The following APBB2 variants were observed in gnomAD, a reference collection of about 807,000 sequenced individuals.
APBB2 encodes amyloid beta precursor protein binding family B member 2.
In APBB2, 38 loss-of-function variants were observed where a neutral mutation model predicts 82.5. That is an observed-to-expected ratio of 0.46 (90% confidence interval 0.36 to 0.60). The LOEUF is 0.60. Ranked by LOEUF, APBB2 falls within the 20% of genes least tolerant of loss-of-function variation. The pLI is 0.00. For synonymous variants in APBB2, 341 were observed against 368.2 expected, an observed-to-expected ratio of 0.93 and a Z score of 0.85; for missense variants, 772 against 972.3, an observed-to-expected ratio of 0.79 and a Z score of 2.74.
At chr4:40,935,321 G>A (rs1785128920) in intron 7 of APBB2, 182 bp from the exon 8 acceptor site, 1 of 560,110 alleles carries the variant, frequency 1.8e-6, no homozygotes, top group African/African-American at 1.9e-5. Flanking sequence ...ATTATCACCT[G>A]AAGACGAGGG....
chr4:41,149,288 AAAATT>A (rs1163048918), intron 1 of APBB2, among the ~76,000 whole-genome samples: 3 of 152,224 alleles, frequency 2.0e-5, no homozygotes, highest in Non-Finnish European at 4.4e-5. Flanking sequence ...AGATTAAAAA[AAAATT>A]AAATTATTTT....
chr4:40,896,873 C>A (rs200768631), intron 10 of APBB2, among the ~76,000 whole-genome samples: 1 of 152,158 alleles, frequency 6.6e-6, no homozygotes, highest in African/African-American at 2.4e-5. Flanking sequence ...AAATGGGGTT[C>A]AAGACCCACA....
intron 7 of APBB2, among the ~76,000 whole-genome samples, chr4:40,942,048 G>A (rs895369682): frequency 2.0e-5 from 3 of 152,282 alleles, no homozygotes; most frequent in East Asian, 3.9e-4. Flanking sequence ...GCACATCAGC[G>A]TATGTGGCAG....
At chr4:41,177,286 A>G (rs145327706) in intron 1 of APBB2, among the ~76,000 whole-genome samples, 2 of 152,306 alleles carry the variant, frequency 1.3e-5, no homozygotes, top group Non-Finnish European at 2.9e-5. Context: ...TACCACAGTT[A>G]ACAGCTCTGG....
At chr4:41,067,281 T>C (rs1732235617) in intron 3 of APBB2, among the ~76,000 whole-genome samples, 1 of 152,054 alleles carries the variant, frequency 6.6e-6, no homozygotes, top group Non-Finnish European at 1.5e-5. Flanking sequence ...TGGTAGTACA[T>C]GCCTGTAATC....
intron 1 of APBB2, among the ~76,000 whole-genome samples, chr4:41,154,578 A>C (rs1221654375): frequency 6.6e-6 from 1 of 151,406 alleles, no homozygotes; most frequent in African/African-American, 2.4e-5. Context: ...TTACCCTACA[A>C]TTCCTGTCTC....
intron 6 of APBB2, among the ~76,000 whole-genome samples, chr4:40,965,099 G>A (rs944565435): frequency 1.3e-5 from 2 of 150,682 alleles, no homozygotes; most frequent in Admixed American, 6.6e-5. Flanking sequence ...CAGCCAGGGC[G>A]ACAGAGCAAG....
chr4:40,965,653 G>C (rs552475159), intron 6 of APBB2, among the ~76,000 whole-genome samples: 3 of 152,056 alleles, frequency 2.0e-5, no homozygotes, highest in Admixed American at 2.0e-4. Context: ...AATTAACCTC[G>C]TCTATTGCTT....
intron 3 of APBB2, among the ~76,000 whole-genome samples, chr4:41,071,676 G>A (rs1733942524): frequency 1.3e-5 from 2 of 151,838 alleles, no homozygotes; most frequent in South Asian, 4.2e-4. Context: ...GCGAGACTCT[G>A]TCTCAAAAAA....
chr4:40,810,968 A>G lies in APBB2; in HGVS notation c.*5124T>C, dbSNP rs996809610. On this transcript the variant is annotated 3_prime_UTR_variant, in exon 18 of 18. Transcript: ENST00000508593. ...GAAAAGTATTCCATTGTCCAGAAGT[A>G]GCTGGTCTTGAGATTTTTATTTTCA... 6.6e-5 allele frequency: 10 copies of G among 152,146 alleles called. No homozygotes were observed. Among genetic ancestry groups the G allele is most frequent in the African/African-American group, 2.4e-4 (10 of 41,430 alleles). 9.4% of individuals were successfully genotyped at this position (152,146 alleles called of 1,614,324 possible).
chr4:41,123,824 A>C (rs1753587372), intron 2 of APBB2, among the ~76,000 whole-genome samples: 1 of 152,020 alleles, frequency 6.6e-6, no homozygotes, highest in South Asian at 2.1e-4. Flanking sequence ...CTGTCTCACA[A>C]AAAAAAACCA....
intron 12 of APBB2, 147 bp from the exon 13 acceptor site, chr4:40,830,724 C>T: frequency 1.7e-6 from 1 of 603,004 alleles, no homozygotes; most frequent in Non-Finnish European, 3.0e-6. Flanking sequence ...ATTACAATAG[C>T]TTCCTAACAT....
At chr4:40,915,646 G>T (rs10805146) in intron 10 of APBB2, among the ~76,000 whole-genome samples, 20 of 152,124 alleles carry the variant, frequency 1.3e-4, no homozygotes, top group African/African-American at 4.8e-4. Flanking sequence ...AATGAACTCA[G>T]TGAGTTCATA....
intron 7 of APBB2, among the ~76,000 whole-genome samples, chr4:40,943,297 T>C (rs1330027119): frequency 1.3e-5 from 2 of 152,198 alleles, no homozygotes; most frequent in African/African-American, 2.4e-5. Context: ...TCTCTGGCTA[T>C]AGGGCACTCT....
chr4:40,879,452 G>A (rs976180103), intron 12 of APBB2, among the ~76,000 whole-genome samples: 3 of 152,090 alleles, frequency 2.0e-5, no homozygotes, highest in African/African-American at 4.8e-5. Context: ...CTTCATAAGA[G>A]GGTTAGAAAA....
At chr4:41,083,558 C>T (rs565926873) in intron 3 of APBB2, among the ~76,000 whole-genome samples, 32 of 151,716 alleles carry the variant, frequency 2.1e-4, no homozygotes, top group African/African-American at 7.2e-4. Flanking sequence ...CACGGTAGCC[C>T]GCACCTATAG....
chr4:41,081,220 T>C (rs557687109), intron 3 of APBB2, among the ~76,000 whole-genome samples: 111 of 152,294 alleles, frequency 7.3e-4, no homozygotes, highest in African/African-American at 2.2e-3. Flanking sequence ...CTTGCTTCAT[T>C]TGAAGATCAC....
At chr4:40,880,766 A>C in intron 12 of APBB2, 1 of 985,442 alleles carries the variant, frequency 1.0e-6, no homozygotes, top group Non-Finnish European at 1.2e-6. Context: ...GATCATCATC[A>C]GACTTTTCTG....
rs1412268779 is a variant in APBB2 at position 41,049,370 on chromosome 4, T to TG, written c.-50-16067dup. ...ACCGGCAGCCGCCCCGTCCGGGAGG[T>TG]GGGGGGTCAGCCCCCGCCCAGCCAG... On this transcript the variant is annotated intron_variant, in intron 4 of 17. Transcript: ENST00000508593. Among the ~76,000 whole-genome samples, 29 of 133,318 alleles carry TG rather than the reference T, an allele frequency of 2.2e-4. 1 individual carries two copies. Among genetic ancestry groups the TG allele is most frequent in the African/African-American group, 2.6e-4 (9 of 33,988 alleles). 87.5% of individuals were successfully genotyped at this position (133,318 alleles called of 152,430 possible). A position where few individuals can be genotyped will look rare whatever the true frequency, so the allele number is the denominator to read the frequency against.
Sources: gnomAD v4.1 joint callset for allele counts (sites outside exome capture counted in the v4.1 genomes callset) on GRCh38, gnomAD v4.1.1 for gene constraint, MANE v1.5 for transcripts, NCBI Gene and HGNC (gene_info 2026-07-23, HGNC 2026-07-21) for gene names.